Variants in SETD3 observed in about 807,000 individuals in gnomAD.
SETD3 encodes SET domain containing 3, actin N3(tau)-histidine methyltransferase.
In SETD3, 19 loss-of-function variants were observed where a neutral mutation model predicts 63.0. The observed-to-expected ratio is 0.30, with a 90% CI of 0.21 to 0.44. SETD3 has a LOEUF of 0.44. Ranked by LOEUF, SETD3 falls within the 20% of genes least tolerant of loss-of-function variation. SETD3 has a pLI of 1.00. For synonymous variants in SETD3, 286 were observed against 264.1 expected, an observed-to-expected ratio of 1.08 and a Z score of -0.80; for missense variants, 587 against 728.5, an observed-to-expected ratio of 0.81 and a Z score of 2.24.
chr14:99,450,075 C>T (rs1032819386), intron 6 of SETD3, among the ~76,000 whole-genome samples: 1 of 152,210 alleles, frequency 6.6e-6, no homozygotes, highest in African/African-American at 2.4e-5. Context: ...CTCCTGTATA[C>T]AACCTCTGCC....
intron 6 of SETD3, among the ~76,000 whole-genome samples, chr14:99,430,362 A>G (rs1367785448): frequency 6.6e-6 from 1 of 152,216 alleles, no homozygotes; most frequent in African/African-American, 2.4e-5. Context: ...AGAATATGTG[A>G]AGCTTTAATT....
intron 6 of SETD3, among the ~76,000 whole-genome samples, chr14:99,418,436 T>C (rs1892395682): frequency 6.6e-6 from 1 of 152,180 alleles, no homozygotes; most frequent in South Asian, 2.1e-4. Flanking sequence ...TTCATTTTCC[T>C]TCCTTCTGCA....
intron 1 of SETD3, among the ~76,000 whole-genome samples, chr14:99,474,293 C>A (rs767553511): frequency 3.9e-5 from 6 of 152,104 alleles, no homozygotes; most frequent in Non-Finnish European, 7.4e-5. Context: ...CCACTGTACT[C>A]CAGCCTGGGC....
intron 6 of SETD3, among the ~76,000 whole-genome samples, chr14:99,455,972 T>C (rs1201091680): frequency 2.0e-5 from 3 of 152,192 alleles, no homozygotes; most frequent in Admixed American, 2.0e-4. Context: ...CTCGCCAACG[T>C]GGCGAAACTC....
intron 6 of SETD3, among the ~76,000 whole-genome samples, chr14:99,432,976 T>C (rs997637595): frequency 2.0e-5 from 3 of 152,180 alleles, no homozygotes; most frequent in African/African-American, 7.2e-5. Flanking sequence ...AATTAGACTT[T>C]GTTAAAATTA....
intron 6 of SETD3, among the ~76,000 whole-genome samples, chr14:99,439,433 T>C (rs1893665092): frequency 6.6e-6 from 1 of 152,166 alleles, no homozygotes; most frequent in Non-Finnish European, 1.5e-5. Flanking sequence ...CATTTCCTGT[T>C]TGTTTTCCTT....
chr14:99,479,893 G>C (rs1896175931), intron 1 of SETD3, among the ~76,000 whole-genome samples: 1 of 152,234 alleles, frequency 6.6e-6, no homozygotes, highest in Non-Finnish European at 1.5e-5. Flanking sequence ...ACACCGGCCG[G>C]GCAGGGGTGA....
At chr14:99,401,941 G>C (rs893236133) in intron 11 of SETD3, among the ~76,000 whole-genome samples, 2 of 152,206 alleles carry the variant, frequency 1.3e-5, no homozygotes, top group Admixed American at 1.3e-4. Flanking sequence ...AAAAAGGGGA[G>C]TAAGACAATG....
chr14:99,430,805 G>C (rs1334485348), intron 6 of SETD3, among the ~76,000 whole-genome samples: 4 of 152,190 alleles, frequency 2.6e-5, no homozygotes, highest in African/African-American at 9.7e-5. Context: ...TGCCCACAAA[G>C]GGCTGGCAAC....
At chr14:99,414,440 T>C (rs1458660807) in intron 6 of SETD3, among the ~76,000 whole-genome samples, 3 of 152,248 alleles carry the variant, frequency 2.0e-5, no homozygotes, top group East Asian at 1.9e-4. Flanking sequence ...AGTCATTTCA[T>C]GGGAATCAAC....
At chr14:99,403,805 A>G (rs890818435) in intron 11 of SETD3, among the ~76,000 whole-genome samples, 2 of 152,194 alleles carry the variant, frequency 1.3e-5, no homozygotes, top group African/African-American at 2.4e-5. Flanking sequence ...GTTAACAAAT[A>G]AAGTCCTACG....
intron 1 of SETD3, among the ~76,000 whole-genome samples, chr14:99,472,031 C>G (rs368663534): frequency 6.6e-6 from 1 of 152,222 alleles, no homozygotes; most frequent in Non-Finnish European, 1.5e-5. Context: ...TGAAATCCTG[C>G]ATTAGCTCCA....
intron 2 of SETD3, among the ~76,000 whole-genome samples, chr14:99,465,377 G>C (rs1895313271): frequency 6.6e-6 from 1 of 152,184 alleles, no homozygotes; most frequent in Non-Finnish European, 1.5e-5. Flanking sequence ...TCAGTAATCT[G>C]CCGAGCGGCA....
intron 4 of SETD3, 123 bp downstream of exon 4, chr14:99,461,069 T>A: frequency 8.3e-7 from 1 of 1,199,218 alleles, no homozygotes; most frequent in Non-Finnish European, 1.2e-6. Flanking sequence ...AGGCTGCCTA[T>A]CTGCCCACAG....
At chr14:99,482,862 T>G (rs1896387270), upstream of SETD3, among the ~76,000 whole-genome samples, 1 of 150,404 alleles carries the variant, frequency 6.6e-6, no homozygotes, top group Admixed American at 6.7e-5. Flanking sequence ...GCAGTGACTC[T>G]GCTGAGTGTC....
intron 6 of SETD3, among the ~76,000 whole-genome samples, chr14:99,449,983 T>A (rs886444448): frequency 6.6e-6 from 1 of 152,158 alleles, no homozygotes; most frequent in African/African-American, 2.4e-5. Flanking sequence ...ACCAACAGAA[T>A]AGAAGAAGCT....
chr14:99,466,225 C>G (rs556117350), intron 1 of SETD3, among the ~76,000 whole-genome samples: 1 of 152,306 alleles, frequency 6.6e-6, no homozygotes, highest in East Asian at 1.9e-4. Context: ...ATAATCATTT[C>G]CCATTAACCA....
chr14:99,454,010 G>A (rs763494150), intron 6 of SETD3, among the ~76,000 whole-genome samples: 64 of 152,130 alleles, frequency 4.2e-4, no homozygotes, highest in Non-Finnish European at 7.9e-4. Context: ...TTTCACACTG[G>A]AGCGTGAGAC....
chr14:99,455,848 A>G (rs1894726915), intron 6 of SETD3, among the ~76,000 whole-genome samples: 1 of 152,186 alleles, frequency 6.6e-6, no homozygotes, highest in African/African-American at 2.4e-5. Context: ...CCACACTCCC[A>G]ATTCAACAAT....
Sources: gnomAD v4.1 joint callset for allele counts (sites outside exome capture counted in the v4.1 genomes callset) on GRCh38, gnomAD v4.1.1 for gene constraint, MANE v1.5 for transcripts, NCBI Gene and HGNC (gene_info 2026-07-23, HGNC 2026-07-21) for gene names.